ARSG: variants seen among roughly 807,000 people sequenced by gnomAD.
The protein encoded by ARSG is ASG.
A neutral mutation model predicts 50.5 loss-of-function variants in ARSG; 37 were observed. The ratio of observed to expected loss-of-function variants is 0.73; its 90% CI spans 0.56 to 0.96. The LOEUF (loss-of-function observed/expected upper bound fraction) is 0.96. Ranked by LOEUF, ARSG falls within the 50% of genes least tolerant of loss-of-function variation. ARSG has a pLI of 0.00. For synonymous variants in ARSG, 225 were observed against 254.6 expected (o/e 0.88, Z 1.11); for missense variants, 629 against 675.3 (o/e 0.93, Z 0.76).
the ARSG span, among the ~76,000 whole-genome samples, chr17:68,451,303 G>T: frequency 1.3e-5 from 2 of 152,090 alleles, no homozygotes; most frequent in Non-Finnish European, 2.9e-5. Context: ...GTATGGTGGT[G>T]CACACCTGTA....
rs555831186 is a variant in ARSG, at chr17:68,404,440, A to G, written c.1303+2990A>G. Among the ~76,000 whole-genome samples, 11 of 152,296 alleles carry G rather than the reference A, an allele frequency of 7.2e-5. No individual in the cohort carries two copies. In the South Asian group the frequency reaches 2.3e-3, roughly 32 times the overall value. On this transcript the variant is annotated intron_variant, in intron 11 of 11. Coordinates refer to ENST00000621439, the MANE Select transcript of ARSG (RefSeq NM_001267727.2). ...TTATAAATGTAGATACCGTGTATGT[A>G]CCCTTTTAATGGTGTGAATTCCATT...
At chr17:68,355,457 C>T (rs889668957) in intron 5 of ARSG, among the ~76,000 whole-genome samples, 10 of 152,226 alleles carry the variant, frequency 6.6e-5, no homozygotes, top group Non-Finnish European at 1.3e-4. Flanking sequence ...CTCCTAGGTT[C>T]AAGCAATTCT....
chr17:68,295,334 G>A (rs994578935), intron 1 of ARSG, among the ~76,000 whole-genome samples: 1 of 152,138 alleles, frequency 6.6e-6, no homozygotes, highest in Non-Finnish European at 1.5e-5. Flanking sequence ...ACCATTTGGT[G>A]CAGTATCGAT....
At chr17:68,331,217 C>CTTTCTTTCTTTG (rs2077739483) in intron 2 of ARSG, among the ~76,000 whole-genome samples, 4 of 40,506 alleles carry the variant, frequency 9.9e-5, no homozygotes, top group African/African-American at 4.1e-4. Flanking sequence ...TTCTTTCTTT[C>CTTTCTTTCTTTG]TTTCTTTCTT....
At chr17:68,295,960 AT>A (rs782114464) in intron 1 of ARSG, among the ~76,000 whole-genome samples, 2 of 152,022 alleles carry the variant, frequency 1.3e-5, no homozygotes, top group Non-Finnish European at 2.9e-5. Flanking sequence ...GATTATAGGC[AT>A]GAGCCACTGC....
At chr17:68,363,969 G>C (rs1008441427) in intron 6 of ARSG, among the ~76,000 whole-genome samples, 1 of 152,144 alleles carries the variant, frequency 6.6e-6, no homozygotes, top group Non-Finnish European at 1.5e-5. Context: ...GCTGAGAGCT[G>C]CAGGTGTTCA....
At chr17:68,272,795 T>C (rs1555749491) in intron 1 of ARSG, 2 of 1,612,038 alleles carry the variant, frequency 1.2e-6, no homozygotes, top group South Asian at 1.1e-5. Context: ...AAAAAGCCAA[T>C]GAGACCCACA....
intron 1 of ARSG, among the ~76,000 whole-genome samples, chr17:68,298,862 T>C (rs1448468190): frequency 6.6e-6 from 1 of 151,992 alleles, no homozygotes; most frequent in Non-Finnish European, 1.5e-5. Flanking sequence ...ATCTAAGCCT[T>C]ATCACCCCTC....
At chr17:68,428,878 T>C in the ARSG span, 94 of 1,614,004 alleles carry the variant, frequency 5.8e-5, no homozygotes, top group Non-Finnish European at 7.5e-5. Flanking sequence ...GGATCCAAAT[T>C]GTACATATAA....
chr17:68,345,303 A>G (rs1688234906), intron 3 of ARSG, among the ~76,000 whole-genome samples: 1 of 152,188 alleles, frequency 6.6e-6, no homozygotes, highest in Admixed American at 6.5e-5. Context: ...GAGACTCTGT[A>G]TCTACAAATA....
chr17:68,348,748 G>A (rs2078623778), intron 4 of ARSG, among the ~76,000 whole-genome samples: 1 of 152,120 alleles, frequency 6.6e-6, no homozygotes, highest in Non-Finnish European at 1.5e-5. Flanking sequence ...AGCTTGGGTT[G>A]GAGAAGAGAT....
At chr17:68,328,561 C>G (rs1340154188) in intron 2 of ARSG, among the ~76,000 whole-genome samples, 1 of 152,176 alleles carries the variant, frequency 6.6e-6, no homozygotes, top group Non-Finnish European at 1.5e-5. Flanking sequence ...CCACATATGA[C>G]AGTTCTGCTA....
the ARSG span, among the ~76,000 whole-genome samples, chr17:68,427,803 T>TG: frequency 1.3e-5 from 2 of 152,116 alleles, no homozygotes; most frequent in Admixed American, 6.5e-5. Flanking sequence ...CAGCCATCGG[T>TG]GGGGGGCGGT....
intron 8 of ARSG, among the ~76,000 whole-genome samples, chr17:68,384,681 A>G (rs2080611143): frequency 6.6e-6 from 1 of 152,176 alleles, no homozygotes; most frequent in African/African-American, 2.4e-5. Flanking sequence ...AGGAAGAGAA[A>G]TTCACTTACT....
the ARSG span, chr17:68,429,952 G>A: frequency 1.2e-6 from 2 of 1,609,414 alleles, no homozygotes; most frequent in Non-Finnish European, 8.5e-7. Context: ...AAAATACATT[G>A]ACGAAAGTGT....
At chr17:68,262,194 G>A (rs1555745336) in intron 1 of ARSG, among the ~76,000 whole-genome samples, 3 of 151,666 alleles carry the variant, frequency 2.0e-5, no homozygotes, top group Admixed American at 6.6e-5. Context: ...AGAAAGGGCC[G>A]GGCGTAGTGG....
intron 1 of ARSG, among the ~76,000 whole-genome samples, chr17:68,269,728 C>A (rs532762782): frequency 7.8e-6 from 1 of 127,542 alleles, no homozygotes; most frequent in Non-Finnish European, 1.5e-5. Context: ...AGGTGGAGTG[C>A]GATGGTGCAA....
At chr17:68,366,677 A>ATGTG (rs3072873) in intron 6 of ARSG, among the ~76,000 whole-genome samples, 49,727 of 148,174 alleles carry the variant, frequency 0.34, 8,916 homozygotes, top group Non-Finnish European at 0.42. Flanking sequence ...GAATTTATGT[A>ATGTG]TGTGTGTGTG....
intron 2 of ARSG, among the ~76,000 whole-genome samples, chr17:68,341,413 CT>C (rs1409906101): frequency 7.2e-5 from 11 of 152,226 alleles, no homozygotes; most frequent in African/African-American, 2.7e-4. Flanking sequence ...TCTCCCTCCC[CT>C]TGTGGGAAAC....
Sources: gnomAD v4.1 joint callset for allele counts (sites outside exome capture counted in the v4.1 genomes callset) on GRCh38, gnomAD v4.1.1 for gene constraint, MANE v1.5 for transcripts, NCBI Gene and HGNC (gene_info 2026-07-23, HGNC 2026-07-21) for gene names.